HGF: variants seen among roughly 807,000 people sequenced by gnomAD.
HGF encodes the protein hepatocyte growth factor, also known as fibroblast-derived tumor cytotoxic factor.
HGF carries 39 observed loss-of-function variants against 111.6 expected under a neutral mutation model. The observed-to-expected ratio is 0.35, with a 90% confidence interval of 0.27 to 0.46. HGF has a LOEUF of 0.46. HGF is among the 20% of genes least tolerant of loss of function. HGF has a pLI of 1.00. For missense variants in HGF, 735 were observed against 910.5 expected, an observed-to-expected ratio of 0.81 and a Z score of 2.48; for synonymous variants, 285 against 294.8, an observed-to-expected ratio of 0.97 and a Z score of 0.34.
intron 4 of HGF, among the ~76,000 whole-genome samples, chr7:81,753,046 T>C (rs1226651457): frequency 6.6e-6 from 1 of 152,112 alleles, no homozygotes; most frequent in Admixed American, 6.6e-5. Flanking sequence ...CTTCAATAAT[T>C]TTGATCATTT....
chr7:81,742,906 C>T (rs1243741301), intron 7 of HGF: 5 of 1,612,718 alleles, frequency 3.1e-6, no homozygotes, highest in African/African-American at 1.3e-5. Flanking sequence ...CTCTGTCACT[C>T]ACCAGAAGAA....
At chr7:81,718,529 G>A (rs1029216186) in intron 10 of HGF, among the ~76,000 whole-genome samples, 1 of 152,290 alleles carries the variant, frequency 6.6e-6, no homozygotes, top group Non-Finnish European at 1.5e-5. Flanking sequence ...AGCCAAAATG[G>A]TACCATGTGA....
At chr7:81,709,536 C>CA (rs1229485388) in intron 13 of HGF, among the ~76,000 whole-genome samples, 1 of 151,964 alleles carries the variant, frequency 6.6e-6, no homozygotes, top group Non-Finnish European at 1.5e-5. Flanking sequence ...ATATGATTTG[C>CA]AAAGTGATTT....
intron 7 of HGF, among the ~76,000 whole-genome samples, chr7:81,730,711 A>G (rs1386324375): frequency 7.9e-5 from 12 of 152,152 alleles, no homozygotes; most frequent in Admixed American, 2.0e-4. Context: ...GTCAATCAAA[A>G]TGTAACTCAA....
chr7:81,758,876 T>G, intron 2 of HGF, 72 bp from the exon 3 acceptor site: 2 of 972,784 alleles, frequency 2.1e-6, no homozygotes, highest in Non-Finnish European at 3.3e-6. Context: ...GGCATATGGT[T>G]CATCTTGTCC....
At chr7:81,734,730 G>T (rs1787769535) in intron 7 of HGF, among the ~76,000 whole-genome samples, 1 of 152,098 alleles carries the variant, frequency 6.6e-6, no homozygotes, top group Admixed American at 6.6e-5. Context: ...AACTGGAGAG[G>T]AGGAGTGCAT....
At chr7:81,758,476 A>C (rs111435221) in intron 3 of HGF, among the ~76,000 whole-genome samples, 18 of 152,228 alleles carry the variant, frequency 1.2e-4, no homozygotes, top group African/African-American at 4.1e-4. Context: ...AAGGGAATCA[A>C]GATTATGAAA....
chr7:81,756,118 C>T lies in HGF; in HGVS notation c.482+1071G>A, dbSNP rs1788758284. On this transcript the variant is annotated intron_variant, in intron 4 of 17. Transcript: ENST00000222390. ...ACTGACCGGCCAAATGTGTCATGCCCTGAAGTTGTTAAAAGCGCAGGTTAT... is the reference window on the plus strand; with the variant it reads ...ACTGACCGGCCAAATGTGTCATGCCTTGAAGTTGTTAAAAGCGCAGGTTAT... 3 of 694,204 alleles carry T rather than the reference C, an allele frequency of 4.3e-6. No homozygotes were observed. The South Asian group carries it at 4.5e-5, about 10-fold the overall frequency. The allele number at this position is 694,204 out of a possible 1,614,324, so 43.0% of individuals were successfully genotyped here. A position where few individuals can be genotyped will look rare whatever the true frequency, so the allele number is the denominator to read the frequency against.
intron 5 of HGF, among the ~76,000 whole-genome samples, chr7:81,749,683 A>G (rs1788412883): frequency 6.6e-6 from 1 of 152,002 alleles, no homozygotes; most frequent in Admixed American, 6.6e-5. Flanking sequence ...TATTCCTCTT[A>G]TCTAACTGGA....
chr7:81,757,165 C>G (rs778914427), intron 4 of HGF, 24 bp downstream of exon 4: 3 of 1,137,504 alleles, frequency 2.6e-6, no homozygotes, highest in Non-Finnish European at 4.0e-6. Flanking sequence ...GAGGCTTCAT[C>G]TCTTTTCTTC....
intron 7 of HGF, among the ~76,000 whole-genome samples, chr7:81,741,151 T>C (rs1787986983): frequency 6.6e-6 from 1 of 152,220 alleles, no homozygotes; most frequent in South Asian, 2.1e-4. Context: ...TTTATAGTCA[T>C]ATCTATATCT....
At chr7:81,715,055 T>C (rs1171993307) in intron 11 of HGF, among the ~76,000 whole-genome samples, 1 of 152,132 alleles carries the variant, frequency 6.6e-6, no homozygotes, top group Non-Finnish European at 1.5e-5. Context: ...AACTTGTAAA[T>C]TATTAGAGTC....
At chr7:81,744,873 T>A in intron 6 of HGF, 127 bp downstream of exon 6, 2 of 1,061,974 alleles carry the variant, frequency 1.9e-6, no homozygotes, top group South Asian at 2.7e-5. Context: ...ATTCTGGGAG[T>A]TCTAAATGTT....
At chr7:81,749,843 A>T (rs1220490254) in intron 5 of HGF, among the ~76,000 whole-genome samples, 1 of 152,086 alleles carries the variant, frequency 6.6e-6, no homozygotes, top group Admixed American at 6.5e-5. Flanking sequence ...TATATAGCCA[A>T]GTTTTAAGCA....
At chr7:81,759,697 G>A (rs1026020569) in intron 2 of HGF, among the ~76,000 whole-genome samples, 4 of 151,940 alleles carry the variant, frequency 2.6e-5, no homozygotes, top group African/African-American at 4.8e-5. Flanking sequence ...GTAGAGACGG[G>A]GTTTCACCAT....
intron 8 of HGF, among the ~76,000 whole-genome samples, chr7:81,726,369 TA>T (rs1340068841): frequency 6.6e-6 from 1 of 152,216 alleles, no homozygotes; most frequent in Non-Finnish European, 1.5e-5. Flanking sequence ...GCCTGTTATT[TA>T]TTACATGTTC....
chr7:81,768,597 T>C (rs1430295085), intron 1 of HGF, among the ~76,000 whole-genome samples: 1 of 152,126 alleles, frequency 6.6e-6, no homozygotes, highest in Non-Finnish European at 1.5e-5. Context: ...GCTAGGATGG[T>C]CTCAATCTCC....
At chr7:81,763,578 G>A (rs1789208912) in intron 1 of HGF, among the ~76,000 whole-genome samples, 1 of 152,072 alleles carries the variant, frequency 6.6e-6, no homozygotes, top group African/African-American at 2.4e-5. Flanking sequence ...ATAGCATGAA[G>A]CCTTCTACTG....
intron 3 of HGF, 59 bp downstream of exon 3, chr7:81,758,633 A>G: frequency 3.7e-6 from 4 of 1,070,298 alleles, no homozygotes; most frequent in Admixed American, 1.7e-5. Context: ...AGGAAATTAC[A>G]AACATACATT....
Sources: gnomAD v4.1 joint callset for allele counts (sites outside exome capture counted in the v4.1 genomes callset) on GRCh38, gnomAD v4.1.1 for gene constraint, MANE v1.5 for transcripts, NCBI Gene and HGNC (gene_info 2026-07-23, HGNC 2026-07-21) for gene names.